The following GRM5 variants were observed in gnomAD, a reference collection of about 807,000 sequenced individuals.
The protein encoded by GRM5 is glutamate metabotropic receptor 5.
In GRM5, 19 loss-of-function variants were observed where a neutral mutation model predicts 83.1. The observed-to-expected ratio is 0.23, with a 90% CI of 0.16 to 0.34. GRM5 has a LOEUF of 0.34. Ranked by LOEUF, GRM5 falls within the 10% of genes least tolerant of loss-of-function variation. The pLI is 1.00. For missense variants in GRM5, 1,160 were observed against 1,588.3 expected (o/e 0.73, Z 4.58); for synonymous variants, 675 against 633.6 (o/e 1.07, Z -0.98).
chr11:88,982,111 A>T (rs1197952549), intron 2 of GRM5, among the ~76,000 whole-genome samples: 1 of 152,222 alleles, frequency 6.6e-6, no homozygotes, highest in East Asian at 1.9e-4. Context: ...TGCAAGTCAA[A>T]TAGATTCCAA....
At chr11:88,761,723 A>C (rs1942520595) in intron 3 of GRM5, among the ~76,000 whole-genome samples, 1 of 152,074 alleles carries the variant, frequency 6.6e-6, no homozygotes, top group Admixed American at 6.6e-5. Flanking sequence ...ATCTGGAACC[A>C]AAAAAAGGTT....
intron 2 of GRM5, among the ~76,000 whole-genome samples, chr11:88,888,660 A>G (rs1363651144): frequency 6.6e-6 from 1 of 152,166 alleles, no homozygotes. Flanking sequence ...TGGCTTCTCT[A>G]TCCCTGTGCA....
At chr11:88,989,979 A>G (rs1939903447) in intron 2 of GRM5, among the ~76,000 whole-genome samples, 1 of 151,914 alleles carries the variant, frequency 6.6e-6, no homozygotes, top group Non-Finnish European at 1.5e-5. Flanking sequence ...AACACATTCA[A>G]AAGCTAGCAG....
chr11:88,886,015 C>G (rs1945039183), intron 2 of GRM5, among the ~76,000 whole-genome samples: 1 of 152,142 alleles, frequency 6.6e-6, no homozygotes, highest in African/African-American at 2.4e-5. Flanking sequence ...GGGTGACCAG[C>G]CTTCTCTGCA....
At chr11:88,626,348 C>A (rs1053376782) in intron 4 of GRM5, among the ~76,000 whole-genome samples, 2 of 152,186 alleles carry the variant, frequency 1.3e-5, no homozygotes, top group Admixed American at 1.3e-4. Flanking sequence ...ATAAAACAGT[C>A]TAATCGGAAA....
intron 3 of GRM5, among the ~76,000 whole-genome samples, chr11:88,745,322 TCAG>T: frequency 6.7e-6 from 1 of 150,262 alleles, no homozygotes; most frequent in Non-Finnish European, 1.5e-5. Flanking sequence ...CACCTCAGCC[TCAG>T]CCTCCCAAGT....
At chr11:88,600,441 C>G (rs1937951356) in intron 5 of GRM5, among the ~76,000 whole-genome samples, 1 of 151,758 alleles carries the variant, frequency 6.6e-6, no homozygotes, top group Non-Finnish European at 1.5e-5. Flanking sequence ...TAATACCTGT[C>G]CCTTCCTTCC....
At chr11:88,623,575 G>A (rs890672730) in intron 4 of GRM5, among the ~76,000 whole-genome samples, 1 of 152,150 alleles carries the variant, frequency 6.6e-6, no homozygotes, top group African/African-American at 2.4e-5. Flanking sequence ...TTTCATTTGG[G>A]AAATTGAAGT....
intron 3 of GRM5, among the ~76,000 whole-genome samples, chr11:88,809,165 C>G (rs1288716888): frequency 2.0e-5 from 3 of 151,986 alleles, no homozygotes. Context: ...TCATATATTT[C>G]TTATAAGGGA....
chr11:88,848,365 C>A (rs1565259916), intron 3 of GRM5, among the ~76,000 whole-genome samples: 1 of 152,120 alleles, frequency 6.6e-6, no homozygotes, highest in Non-Finnish European at 1.5e-5. Flanking sequence ...CATAAAATGG[C>A]TGTCATAAAA....
intron 2 of GRM5, among the ~76,000 whole-genome samples, chr11:88,952,268 C>G (rs192679204): frequency 1.3e-5 from 2 of 152,180 alleles, no homozygotes. Context: ...TTCAGGTTTC[C>G]TCACTGAAAC....
At chr11:88,849,223 C>G (rs1392742305) in intron 3 of GRM5, among the ~76,000 whole-genome samples, 1 of 151,826 alleles carries the variant, frequency 6.6e-6, no homozygotes, top group African/African-American at 2.4e-5. Flanking sequence ...GTGTGCAGGA[C>G]ACATATATGC....
intron 3 of GRM5, among the ~76,000 whole-genome samples, chr11:88,820,169 A>G (rs1183231306): frequency 1.3e-5 from 2 of 151,818 alleles, no homozygotes; most frequent in Non-Finnish European, 2.9e-5. Context: ...TCATGAGGAC[A>G]GGAGATCGAG....
intron 8 of GRM5, among the ~76,000 whole-genome samples, chr11:88,557,679 A>G (rs1942658610): frequency 6.6e-6 from 1 of 151,096 alleles, no homozygotes; most frequent in East Asian, 1.9e-4. Flanking sequence ...ATGTTGTTTC[A>G]TACTTCTGGG....
intron 2 of GRM5, among the ~76,000 whole-genome samples, chr11:88,967,543 G>A (rs1939025148): frequency 6.6e-6 from 1 of 151,918 alleles, no homozygotes; most frequent in African/African-American, 2.4e-5. Context: ...AAGCAATAAA[G>A]GGGCTCAGCT....
At chr11:88,665,742 T>G (rs993053495) in intron 3 of GRM5, among the ~76,000 whole-genome samples, 4 of 151,950 alleles carry the variant, frequency 2.6e-5, no homozygotes, top group African/African-American at 9.7e-5. Flanking sequence ...TGTGATAGAT[T>G]AGGCAAGCCC....
intron 8 of GRM5, among the ~76,000 whole-genome samples, chr11:88,550,661 G>T (rs1412416497): frequency 1.3e-5 from 2 of 152,062 alleles, no homozygotes; most frequent in East Asian, 3.9e-4. Context: ...AAGGGAGTGG[G>T]GGGGATAAAA....
At chr11:88,615,271 A>G (rs183357223) in intron 4 of GRM5, among the ~76,000 whole-genome samples, 24 of 152,282 alleles carry the variant, frequency 1.6e-4, no homozygotes, top group Admixed American at 8.5e-4. Flanking sequence ...AATGATAATA[A>G]TAAAAATAAT....
chr11:88,921,767 T>C (rs939436671), intron 2 of GRM5, among the ~76,000 whole-genome samples: 7 of 152,138 alleles, frequency 4.6e-5, no homozygotes, highest in African/African-American at 1.7e-4. Flanking sequence ...GAGCCATCAA[T>C]AGAAAGAAGT....
Sources: gnomAD v4.1 joint callset for allele counts (sites outside exome capture counted in the v4.1 genomes callset) on GRCh38, gnomAD v4.1.1 for gene constraint, MANE v1.5 for transcripts, NCBI Gene and HGNC (gene_info 2026-07-23, HGNC 2026-07-21) for gene names.